The following SETBP1 variants were observed in gnomAD, a reference collection of about 807,000 sequenced individuals.
SETBP1 encodes SET binding protein 1, also known as SET-binding protein.
In SETBP1, 9 loss-of-function variants were observed where a neutral mutation model predicts 101.0. That is an observed-to-expected ratio of 0.09 (90% confidence interval 0.05 to 0.16). The LOEUF (loss-of-function observed/expected upper bound fraction) is 0.16, where lower values mean the gene tolerates loss of function less well. Among genes scored for constraint, SETBP1 ranks in the 10% least tolerant of loss-of-function variants. The probability of loss-of-function intolerance (pLI) is 1.00; values close to 1 mark genes in which losing one functional copy is unlikely to be tolerated. For missense variants in SETBP1, 1,858 were observed against 2,033.8 expected, an observed-to-expected ratio of 0.91 and a Z score of 1.66; for synonymous variants, 818 against 788.5, an observed-to-expected ratio of 1.04 and a Z score of -0.63.
intron 2 of SETBP1, among the ~76,000 whole-genome samples, chr18:44,712,048 C>T (rs372768573): frequency 1.3e-5 from 2 of 152,216 alleles, no homozygotes; most frequent in Non-Finnish European, 2.9e-5. Context: ...CAATGGAGAC[C>T]TTTATTTACT....
intron 2 of SETBP1, among the ~76,000 whole-genome samples, chr18:44,810,090 A>T (rs2071829348): frequency 6.6e-6 from 1 of 152,146 alleles, no homozygotes; most frequent in Admixed American, 6.5e-5. Context: ...AGCAGTGGGG[A>T]GCTCTTATCC....
chr18:44,774,485 T>C (rs1339901340), intron 2 of SETBP1, among the ~76,000 whole-genome samples: 1 of 152,110 alleles, frequency 6.6e-6, no homozygotes, highest in East Asian at 1.9e-4. Context: ...ATCTTGGATC[T>C]TTATCCCTCC....
chr18:44,757,578 G>A (rs2070527875), intron 2 of SETBP1, among the ~76,000 whole-genome samples: 1 of 152,156 alleles, frequency 6.6e-6, no homozygotes, highest in Admixed American at 6.5e-5. Context: ...CATTATGTTA[G>A]TAGCAATAGT....
chr18:44,959,768 A>T (rs2071570207), intron 4 of SETBP1, among the ~76,000 whole-genome samples: 1 of 152,204 alleles, frequency 6.6e-6, no homozygotes, highest in African/African-American at 2.4e-5. Context: ...GTCTTGAATG[A>T]TACAAGACAC....
intron 3 of SETBP1, among the ~76,000 whole-genome samples, chr18:44,897,506 G>A (rs2069934467): frequency 6.6e-6 from 1 of 152,128 alleles, no homozygotes; most frequent in Admixed American, 6.5e-5. Context: ...ATGTGGTCTG[G>A]GACACATCGG....
chr18:44,803,180 A>T (rs942093881), intron 2 of SETBP1, among the ~76,000 whole-genome samples: 5 of 152,170 alleles, frequency 3.3e-5, no homozygotes, highest in African/African-American at 1.2e-4. Flanking sequence ...GTCTTCTGAA[A>T]GTGCTGTTCT....
At chr18:45,028,673 T>C (rs1323480007) in intron 4 of SETBP1, among the ~76,000 whole-genome samples, 1 of 152,190 alleles carries the variant, frequency 6.6e-6, no homozygotes, top group African/African-American at 2.4e-5. Flanking sequence ...CCAGCACCTG[T>C]TGTTTCCTGA....
At chr18:44,868,127 T>G (rs2144672470) in intron 2 of SETBP1, among the ~76,000 whole-genome samples, 1 of 152,348 alleles carries the variant, frequency 6.6e-6, no homozygotes, top group Non-Finnish European at 1.5e-5. Flanking sequence ...TGCAAAACCC[T>G]GGAAAGGATG....
intron 5 of SETBP1, among the ~76,000 whole-genome samples, chr18:45,049,872 C>G (rs2073693536): frequency 6.6e-6 from 1 of 152,156 alleles, no homozygotes; most frequent in South Asian, 2.1e-4. Flanking sequence ...CACTCCAATA[C>G]AGACAAGAGT....
chr18:44,820,527 A>C (rs1486733098), intron 2 of SETBP1, among the ~76,000 whole-genome samples: 1 of 152,106 alleles, frequency 6.6e-6, no homozygotes, highest in Non-Finnish European at 1.5e-5. Context: ...CAAGATTGAG[A>C]CCTGGGGTTC....
At chr18:44,916,687 A>C (rs1599317771) in intron 3 of SETBP1, among the ~76,000 whole-genome samples, 1 of 152,222 alleles carries the variant, frequency 6.6e-6, no homozygotes, top group African/African-American at 2.4e-5. Flanking sequence ...AGCAGTCAGC[A>C]TAATGAGATT....
intron 2 of SETBP1, among the ~76,000 whole-genome samples, chr18:44,847,880 G>C (rs1354771284): frequency 6.6e-6 from 1 of 152,144 alleles, no homozygotes; most frequent in African/African-American, 2.4e-5. Context: ...GCCATGTCAT[G>C]ACCTGCATGA....
chr18:44,847,807 A>G (rs1376328792), intron 2 of SETBP1, among the ~76,000 whole-genome samples: 1 of 152,148 alleles, frequency 6.6e-6, no homozygotes, highest in Admixed American at 6.5e-5. Flanking sequence ...CAGAAGATAG[A>G]TCTTGCTAGA....
At chr18:44,778,828 C>T (rs1157570347) in intron 2 of SETBP1, among the ~76,000 whole-genome samples, 4 of 152,242 alleles carry the variant, frequency 2.6e-5, no homozygotes, top group Non-Finnish European at 4.4e-5. Flanking sequence ...GGATCTCTCC[C>T]CTGAAGCCCC....
intron 2 of SETBP1, among the ~76,000 whole-genome samples, chr18:44,823,850 A>G (rs1480288239): frequency 6.6e-6 from 1 of 152,158 alleles, no homozygotes. Flanking sequence ...AGTTGTGGTA[A>G]GTTCTTGAGG....
intron 2 of SETBP1, among the ~76,000 whole-genome samples, chr18:44,842,556 A>G (rs2049153152): frequency 6.6e-6 from 1 of 152,178 alleles, no homozygotes; most frequent in Admixed American, 6.5e-5. Flanking sequence ...AATATCCCAC[A>G]GTGCCCCACA....
chr18:44,951,126 C>T lies in SETBP1; in HGVS notation c.1786C>T (p.Leu596Phe). 6.2e-7 allele frequency: 1 copy of T among 1,614,150 alleles called. No homozygotes were observed. The highest frequency in any genetic ancestry group is 8.5e-7 in the Non-Finnish European group (1 of 1,180,026). Residue 596 changes from leucine (L) to phenylalanine (F), a missense_variant, in exon 4 of 6, where the codon CTC becomes TTC. Physicochemically the swap from Leu to Phe is conservative, Grantham distance 22. Coordinates refer to ENST00000649279, the MANE Select transcript of SETBP1 (RefSeq NM_015559.3). This position sits in a 1 kb window ranked among gnomAD's most constrained non-coding sequence, Gnocchi z 7.8. ...GGGACGACCAAAGAAGCAGCCTTTG[C>T]TCACAGTCGAGACGATTCATGAGGG... ...KRGRPKKQPL[L>F]TVETIHEGTS...
intron 5 of SETBP1, among the ~76,000 whole-genome samples, chr18:45,049,058 T>A (rs2099675940): frequency 6.7e-6 from 1 of 149,782 alleles, no homozygotes; most frequent in Admixed American, 6.7e-5. Context: ...TGGGAAGGCC[T>A]GCCTCCAAAA....
At chr18:44,700,870 G>A (rs1031813402) in intron 1 of SETBP1, among the ~76,000 whole-genome samples, 2 of 152,184 alleles carry the variant, frequency 1.3e-5, no homozygotes, top group Non-Finnish European at 2.9e-5. Context: ...GCCAGCTGAA[G>A]CTTCAGTATA....
Sources: allele counts gnomAD v4.1 joint callset (sites outside exome capture counted in the v4.1 genomes callset), GRCh38; gene constraint gnomAD v4.1.1; non-coding constraint Gnocchi (gnomAD v3.1); transcripts MANE v1.5; gene names NCBI Gene and HGNC (gene_info 2026-07-23, HGNC 2026-07-21).